Variants in PYROXD1 observed in about 807,000 individuals in gnomAD.
PYROXD1 encodes pyridine nucleotide-disulphide oxidoreductase domain 1.
Under a neutral mutation model 62.0 loss-of-function variants are expected in PYROXD1, and 42 were observed. The observed-to-expected ratio is 0.68, with a 90% CI of 0.53 to 0.88. The LOEUF (loss-of-function observed/expected upper bound fraction) is 0.88. Among genes scored for constraint, PYROXD1 ranks in the 40% least tolerant of loss-of-function variants. PYROXD1 has a pLI of 0.00. For synonymous variants in PYROXD1, 170 were observed against 206.4 expected, an observed-to-expected ratio of 0.82 and a Z score of 1.51; for missense variants, 493 against 604.8, an observed-to-expected ratio of 0.82 and a Z score of 1.94.
At chr12:21,451,481 G>A (rs959632105) in intron 4 of PYROXD1, among the ~76,000 whole-genome samples, 19 of 151,772 alleles carry the variant, frequency 1.3e-4, no homozygotes, top group African/African-American at 3.9e-4. Context: ...ATTATTGGGT[G>A]CGTGCTACTC....
chr12:21,459,194 C>G (rs915885608), intron 7 of PYROXD1, among the ~76,000 whole-genome samples: 1 of 152,126 alleles, frequency 6.6e-6, no homozygotes, highest in African/African-American at 2.4e-5. Flanking sequence ...TTTAGACTTT[C>G]CAACCTACAG....
At position 21,465,452 on chromosome 12, in the gene PYROXD1, G is replaced by T. The variant is rs1418876218; in HGVS notation, c.1117-2029G>T. On this transcript the variant is annotated intron_variant, in intron 10 of 11. Coordinates refer to ENST00000240651, the MANE Select transcript of PYROXD1 (RefSeq NM_024854.5). ...TGAGCATTTTTTCATTTGTCTTTTGGCTGCATAAATATCTTCTTTTGAGAA... is the reference window on the plus strand; with the variant it reads ...TGAGCATTTTTTCATTTGTCTTTTGTCTGCATAAATATCTTCTTTTGAGAA... Among the ~76,000 whole-genome samples the T allele has an allele frequency of 3.3e-5, 5 of 152,140 alleles. No homozygotes were observed. In the South Asian group the frequency reaches 1.0e-3, roughly 32 times the overall value.
chr12:21,457,680 C>T (rs1242900971), intron 7 of PYROXD1, among the ~76,000 whole-genome samples: 1 of 152,074 alleles, frequency 6.6e-6, no homozygotes, highest in Non-Finnish European at 1.5e-5. Context: ...GCACTTCTTA[C>T]ATGGCCAGAG....
intron 1 of PYROXD1, 163 bp downstream of exon 1, chr12:21,437,977 C>T (rs1361879988): frequency 4.7e-6 from 3 of 642,798 alleles, no homozygotes; most frequent in Non-Finnish European, 8.0e-6. Context: ...GCTTGGTGGT[C>T]CTCAGATGAC....
chr12:21,463,769 C>G (rs931985881), intron 10 of PYROXD1, among the ~76,000 whole-genome samples: 2 of 151,780 alleles, frequency 1.3e-5, no homozygotes, highest in African/African-American at 2.4e-5. Flanking sequence ...TAGACTTTTT[C>G]CTACCCTCAC....
At chr12:21,462,974 A>C in intron 10 of PYROXD1, 112 bp downstream of exon 10, 1 of 975,182 alleles carries the variant, frequency 1.0e-6, no homozygotes, top group South Asian at 1.9e-5. Flanking sequence ...CTTAAGTAGG[A>C]AGCTAGCACA....
At chr12:21,460,329 T>TA (rs1360524176) in intron 7 of PYROXD1, among the ~76,000 whole-genome samples, 1 of 152,112 alleles carries the variant, frequency 6.6e-6, no homozygotes, top group Non-Finnish European at 1.5e-5. Flanking sequence ...TGTTCAGGGA[T>TA]ACGACAGTAA....
chr12:21,438,762 A>G (rs1942241524), intron 1 of PYROXD1, among the ~76,000 whole-genome samples: 1 of 152,236 alleles, frequency 6.6e-6, no homozygotes, highest in African/African-American at 2.4e-5. Flanking sequence ...CATAAGAAAT[A>G]GTGGAAGAAA....
At chr12:21,461,916 C>G (rs1353366143) in intron 8 of PYROXD1, 92 bp from the exon 9 acceptor site, 1 of 628,494 alleles carries the variant, frequency 1.6e-6, no homozygotes, top group African/African-American at 1.8e-5. Context: ...CTTTTTCTTT[C>G]TTTGTTTCTA....
chr12:21,468,457 A>T (rs763778804), intron 11 of PYROXD1, 49 bp from the exon 12 acceptor site: 1 of 1,544,424 alleles, frequency 6.5e-7, no homozygotes, highest in East Asian at 2.3e-5. Flanking sequence ...TACCCATTAC[A>T]TTTTCTTTAT....
In PYROXD1 at chr12:21,440,369, T is replaced by C. The variant is rs1942271308; in HGVS notation, c.86T>C (p.Leu29Ser). The change falls in exon 2 of 12, where the codon TTG becomes TCG. Residue 29 changes from leucine to serine, a missense_variant and splice_region_variant. This residue lies in a region of PYROXD1 where 164 missense variants were observed against 158.2 expected (regional missense o/e 1.04). Coordinates refer to ENST00000240651, the MANE Select transcript of PYROXD1 (RefSeq NM_024854.5). The part of the protein sequence containing the change: ...GIAGVTCAEQ[L>S]ATHFPSEDIL... ...TTTTTCTCTCTTTTTAAAAATAAGTTGGCTACTCACTTTCCATCGGAAGAT... is the reference window on the plus strand; with the variant it reads ...TTTTTCTCTCTTTTTAAAAATAAGTCGGCTACTCACTTTCCATCGGAAGAT... 1.3e-6 allele frequency: 2 copies of C among 1,572,826 alleles called. No individual in the cohort carries two copies. The highest frequency in any genetic ancestry group is 4.5e-5 in the East Asian group (2 of 44,348).
At chr12:21,466,610 A>C (rs1322085490) in intron 10 of PYROXD1, among the ~76,000 whole-genome samples, 1 of 152,212 alleles carries the variant, frequency 6.6e-6, no homozygotes, top group Non-Finnish European at 1.5e-5. Context: ...ATCTGCAAAC[A>C]GGGACAATTT....
Position 21,449,587 on chromosome 12 carries a change from C to T in PYROXD1, c.310C>T (p.Gln104Ter), listed in dbSNP as rs374146610. Reference sequence around the variant, plus strand: ...GTGCATTGTAACAGAAGATGGCAATCAGCACGTATATAAGAAACTCTGTCT... The same window carrying T: ...GTGCATTGTAACAGAAGATGGCAATTAGCACGTATATAAGAAACTCTGTCT... ...EHCIVTEDGN[Q>*]HVYKKLCLCA... Residue 104 changes from glutamine to a stop codon, truncating the protein, a stop_gained, in exon 4 of 12, where the codon CAG becomes TAG. Coordinates refer to ENST00000240651, the MANE Select transcript of PYROXD1 (RefSeq NM_024854.5). LOFTEE classifies it high-confidence loss of function. 1 of 1,612,586 alleles carries T rather than the reference C, an allele frequency of 6.2e-7. No individual in the cohort carries two copies. The highest frequency in any genetic ancestry group is 8.5e-7 in the Non-Finnish European group (1 of 1,179,340).
chr12:21,465,662 T>G (rs1314434245), intron 10 of PYROXD1, among the ~76,000 whole-genome samples: 1 of 152,074 alleles, frequency 6.6e-6, no homozygotes, highest in Non-Finnish European at 1.5e-5. Flanking sequence ...CAGAAGCTCT[T>G]TAGTGTAATT....
intron 11 of PYROXD1, 52 bp downstream of exon 11, chr12:21,467,670 ATG>A (rs1486899115): frequency 3.9e-6 from 5 of 1,283,500 alleles, no homozygotes; most frequent in Non-Finnish European, 5.4e-6. Flanking sequence ...TCTTATGACT[ATG>A]ATAAATCATG....
intron 4 of PYROXD1, among the ~76,000 whole-genome samples, chr12:21,450,598 T>C (rs1028813771): frequency 1.3e-5 from 2 of 152,258 alleles, no homozygotes; most frequent in Admixed American, 6.5e-5. Context: ...AAGCTCTTCC[T>C]GGTTTCACAA....
At chr12:21,457,093 G>A (rs6487226) in intron 7 of PYROXD1, 129,963 of 270,194 alleles carry the variant, frequency 0.48, 31,634 homozygotes, top group Middle Eastern at 0.58. Flanking sequence ...GAAGGTTGGA[G>A]TAAACTTCTT....
intron 2 of PYROXD1, among the ~76,000 whole-genome samples, chr12:21,441,984 T>C (rs1942303770): frequency 6.6e-6 from 1 of 152,148 alleles, no homozygotes; most frequent in African/African-American, 2.4e-5. Context: ...GTCAGCTGAG[T>C]TAATTGTTGT....
chr12:21,454,269 A>G (rs1449544719), intron 5 of PYROXD1, among the ~76,000 whole-genome samples: 1 of 152,086 alleles, frequency 6.6e-6, no homozygotes, highest in African/African-American at 2.4e-5. Context: ...TTAACTTTTT[A>G]CAGTATTTTA....
Sources: gnomAD v4.1 joint callset for allele counts (sites outside exome capture counted in the v4.1 genomes callset) on GRCh38, gnomAD v4.1.1 for gene constraint, gnomAD v4.1.1 regional missense constraint, MANE v1.5 for transcripts, NCBI Gene and HGNC (gene_info 2026-07-23, HGNC 2026-07-21) for gene names.